MAP2K4: variants seen among roughly 807,000 people sequenced by gnomAD.
MAP2K4 encodes mitogen-activated protein kinase kinase 4.
A neutral mutation model predicts 48.5 loss-of-function variants in MAP2K4; 4 were observed. That is an observed-to-expected ratio of 0.08 (90% CI 0.04 to 0.19). The LOEUF is 0.19. Ranked by LOEUF, MAP2K4 falls within the 10% of genes least tolerant of loss-of-function variation. The pLI is 1.00. For synonymous variants in MAP2K4, 166 were observed against 173.1 expected, an observed-to-expected ratio of 0.96 and a Z score of 0.32; for missense variants, 258 against 493.3, an observed-to-expected ratio of 0.52 and a Z score of 4.52.
chr17:12,109,208 C>G (rs1423886762), intron 5 of MAP2K4, among the ~76,000 whole-genome samples: 1 of 152,054 alleles, frequency 6.6e-6, no homozygotes, highest in African/African-American at 2.4e-5. Context: ...GAACCCTGCT[C>G]TTAACCGCTG....
At chr17:12,109,496 A>G (rs991812849) in intron 5 of MAP2K4, among the ~76,000 whole-genome samples, 1 of 152,164 alleles carries the variant, frequency 6.6e-6, no homozygotes, top group African/African-American at 2.4e-5. Flanking sequence ...ACGTCACCTT[A>G]CAGCAAATAG....
intron 9 of MAP2K4, among the ~76,000 whole-genome samples, chr17:12,134,545 G>A (rs149011372): frequency 1.3e-5 from 2 of 152,274 alleles, no homozygotes; most frequent in African/African-American, 4.8e-5. Context: ...GAGGTAAATG[G>A]TAAGAGAGAA....
intron 1 of MAP2K4, among the ~76,000 whole-genome samples, chr17:12,028,543 T>G (rs905585205): frequency 3.3e-5 from 5 of 152,230 alleles, no homozygotes; most frequent in Non-Finnish European, 7.3e-5. Context: ...TAGCTGTGGT[T>G]TAAGGCACAT....
chr17:12,138,101 T>C (rs1973260897), intron 9 of MAP2K4, among the ~76,000 whole-genome samples: 1 of 152,128 alleles, frequency 6.6e-6, no homozygotes, highest in Non-Finnish European at 1.5e-5. Context: ...GGGAAAATAA[T>C]TGTCAGCCTG....
At chr17:12,051,401 G>C in intron 1 of MAP2K4, among the ~76,000 whole-genome samples, 1 of 152,152 alleles carries the variant, frequency 6.6e-6, no homozygotes, top group East Asian at 1.9e-4. Flanking sequence ...TTCTGTATCA[G>C]GCACAGAGCT....
chr17:12,091,442 T>C (rs764723895), intron 3 of MAP2K4, among the ~76,000 whole-genome samples: 13 of 152,216 alleles, frequency 8.5e-5, no homozygotes, highest in Non-Finnish European at 1.6e-4. Flanking sequence ...CCTATGGGAC[T>C]TGTTAACTTT....
At chr17:12,105,099 T>G (rs1219768958) in intron 4 of MAP2K4, among the ~76,000 whole-genome samples, 1 of 152,170 alleles carries the variant, frequency 6.6e-6, no homozygotes, top group Admixed American at 6.5e-5. Context: ...TTGTGATTGC[T>G]TCATAAAAAG....
intron 6 of MAP2K4, among the ~76,000 whole-genome samples, chr17:12,112,042 C>G (rs1972323787): frequency 6.6e-6 from 1 of 152,162 alleles, no homozygotes; most frequent in South Asian, 2.1e-4. Context: ...TGCCTCATGC[C>G]CTTAAACCAG....
chr17:12,128,074 GTTTTC>G (rs1009934076), intron 8 of MAP2K4, among the ~76,000 whole-genome samples: 3 of 152,048 alleles, frequency 2.0e-5, no homozygotes, highest in African/African-American at 7.2e-5. Context: ...AAATTTGTAG[GTTTTC>G]TTTTCTTTTG....
intron 2 of MAP2K4, among the ~76,000 whole-genome samples, chr17:12,067,879 G>C (rs1015387806): frequency 6.6e-6 from 1 of 152,202 alleles, no homozygotes; most frequent in African/African-American, 2.4e-5. Flanking sequence ...ACACAGACGT[G>C]TGTGTGTATA....
At chr17:12,089,676 T>C (rs1055250858) in intron 3 of MAP2K4, among the ~76,000 whole-genome samples, 1 of 152,148 alleles carries the variant, frequency 6.6e-6, no homozygotes, top group Non-Finnish European at 1.5e-5. Flanking sequence ...CTTACTGTCT[T>C]TTTATACTGC....
rs200786391 is a variant in MAP2K4, at chr17:12,072,976, A to G, written c.219-8380A>G. Among the ~76,000 whole-genome samples, 6 of 152,338 alleles carry G rather than the reference A, an allele frequency of 3.9e-5. No individual in the cohort carries two copies. The East Asian group carries it at 1.2e-3, about 29-fold the overall frequency. ...TGGTTTTTAATTTGCTTTAAGAACTAAATTTCTGACTTTGTAAAAGCAATC... is the reference window on the plus strand; with the variant it reads ...TGGTTTTTAATTTGCTTTAAGAACTGAATTTCTGACTTTGTAAAAGCAATC... On this transcript the variant is annotated intron_variant, in intron 2 of 10. Transcript: ENST00000353533.
At chr17:12,024,400 A>C (rs1434879991) in intron 1 of MAP2K4, among the ~76,000 whole-genome samples, 1 of 152,300 alleles carries the variant, frequency 6.6e-6, no homozygotes, top group Admixed American at 6.5e-5. Flanking sequence ...ATAATAGGGA[A>C]TAGCTGCTAA....
chr17:12,062,121 G>T (rs536574551), intron 2 of MAP2K4, among the ~76,000 whole-genome samples: 2 of 149,462 alleles, frequency 1.3e-5, no homozygotes, highest in Non-Finnish European at 3.0e-5. Flanking sequence ...TTAATCTGGA[G>T]TGGTTGCACT....
chr17:12,102,805 G>A (rs1249368489), intron 4 of MAP2K4, among the ~76,000 whole-genome samples: 4 of 151,600 alleles, frequency 2.6e-5, no homozygotes, highest in African/African-American at 9.7e-5. Flanking sequence ...AAATTTATTG[G>A]AATAAAATTA....
chr17:12,074,658 A>T (rs187331089), intron 2 of MAP2K4, among the ~76,000 whole-genome samples: 1 of 152,084 alleles, frequency 6.6e-6, no homozygotes, highest in African/African-American at 2.4e-5. Context: ...GGCCCTCTGC[A>T]TATCGGTGGG....
chr17:12,118,764 C>T (rs962374845), intron 7 of MAP2K4, among the ~76,000 whole-genome samples: 4 of 152,084 alleles, frequency 2.6e-5, no homozygotes, highest in Non-Finnish European at 5.9e-5. Flanking sequence ...TTTCAGAAGG[C>T]GTTTAGCATG....
intron 2 of MAP2K4, among the ~76,000 whole-genome samples, chr17:12,075,655 A>G (rs2151543644): frequency 6.6e-6 from 1 of 152,334 alleles, no homozygotes; most frequent in Admixed American, 6.5e-5. Flanking sequence ...TAGCAGTTGA[A>G]AAGAATGATC....
intron 2 of MAP2K4, among the ~76,000 whole-genome samples, chr17:12,066,564 C>T (rs1567641828): frequency 6.6e-6 from 1 of 152,122 alleles, no homozygotes; most frequent in African/African-American, 2.4e-5. Flanking sequence ...GATTTTCTCA[C>T]TCTTGCCCAG....
Sources: allele counts gnomAD v4.1 joint callset (sites outside exome capture counted in the v4.1 genomes callset), GRCh38; gene constraint gnomAD v4.1.1; transcripts MANE v1.5; gene names NCBI Gene and HGNC (gene_info 2026-07-23, HGNC 2026-07-21).